Variants in CACNG7 observed in about 807,000 individuals in gnomAD.
The protein encoded by CACNG7 is calcium voltage-gated channel auxiliary subunit gamma 7.
In CACNG7, 9 loss-of-function variants were observed where a neutral mutation model predicts 26.3. That is an observed-to-expected ratio of 0.34 (90% CI 0.21 to 0.60). The LOEUF is 0.60. Ranked by LOEUF, CACNG7 falls within the 20% of genes least tolerant of loss-of-function variation. The pLI is 0.81. For synonymous variants in CACNG7, 170 were observed against 157.0 expected, an observed-to-expected ratio of 1.08 and a Z score of -0.62; for missense variants, 297 against 380.4, an observed-to-expected ratio of 0.78 and a Z score of 1.82.
At chr19:53,935,126 A>G (rs1338648211) in intron 4 of CACNG7, among the ~76,000 whole-genome samples, 2 of 152,116 alleles carry the variant, frequency 1.3e-5, no homozygotes, top group Non-Finnish European at 2.9e-5. Context: ...CAAAAAATAT[A>G]TATGTACACA....
chr19:53,933,492 G>A (rs930302170), intron 4 of CACNG7, among the ~76,000 whole-genome samples: 1 of 150,988 alleles, frequency 6.6e-6, no homozygotes, highest in Non-Finnish European at 1.5e-5. Context: ...TAGAGAGGGG[G>A]TTTCACCATG....
In CACNG7 at chr19:53,918,469, A is replaced by AT. The variant is rs956228122; in HGVS notation, c.424+2973dup. Among the ~76,000 whole-genome samples the AT allele has an allele frequency of 3.2e-3, 491 of 151,510 alleles. 2 individuals carry two copies. The highest frequency in any genetic ancestry group is 0.011 in the African/African-American group (467 of 41,312). On this transcript the variant is annotated intron_variant, in intron 4 of 5. Coordinates refer to ENST00000391767, the MANE Select transcript of CACNG7 (RefSeq NM_031896.5). Reference sequence around the variant, plus strand: ...TGCATGAAATATTCTTCTTCTTTTGATTTTTTTTTAAATCAAAAGAAGAAT... The same window carrying AT: ...TGCATGAAATATTCTTCTTCTTTTGATTTTTTTTTTAAATCAAAAGAAGAAT...
intron 4 of CACNG7, among the ~76,000 whole-genome samples, chr19:53,925,930 C>A (rs187740832): frequency 1.9e-4 from 29 of 152,292 alleles, no homozygotes; most frequent in Admixed American, 1.6e-3. Context: ...TGGGAGGAAG[C>A]TAGACGGGCA....
In CACNG7 at chr19:53,935,702, C is replaced by T. The variant is rs1462132692; in HGVS notation, c.425-5768C>T. On this transcript the variant is annotated intron_variant, in intron 4 of 5. Coordinates refer to ENST00000391767, the MANE Select transcript of CACNG7 (RefSeq NM_031896.5). ...GTACCCAGGCTGGAGTGCAATGGCGCGATCTCGGCTCACTGCAACCTTCTG... is the reference window on the plus strand; with the variant it reads ...GTACCCAGGCTGGAGTGCAATGGCGTGATCTCGGCTCACTGCAACCTTCTG... Among the ~76,000 whole-genome samples the T allele has an allele frequency of 7.6e-5, 9 of 118,488 alleles. No homozygotes were observed. In the South Asian group the frequency reaches 8.8e-4, roughly 12 times the overall value. 77.7% of individuals were successfully genotyped at this position (118,488 alleles called of 152,430 possible). A position where few individuals can be genotyped will look rare whatever the true frequency, so the allele number is the denominator to read the frequency against.
intron 4 of CACNG7, among the ~76,000 whole-genome samples, chr19:53,928,668 A>T (rs970109962): frequency 3.9e-5 from 6 of 152,160 alleles, no homozygotes; most frequent in Admixed American, 3.3e-4. Flanking sequence ...CAGGAACCAG[A>T]TCACAGACAG....
At position 53,922,915 on chromosome 19, in the gene CACNG7, T is replaced by C. The variant is rs555365059; in HGVS notation, c.424+7410T>C. 3.3e-3 allele frequency among the ~76,000 whole-genome samples: 258 copies of C among 79,318 alleles called. 2 individuals carry two copies. The highest frequency in any genetic ancestry group is 0.027 in the African/African-American group (211 of 7,726). The allele number at this position is 79,318 out of a possible 152,430, so 52.0% of individuals were successfully genotyped here. A position where few individuals can be genotyped will look rare whatever the true frequency, so the allele number is the denominator to read the frequency against. On this transcript the variant is annotated intron_variant, in intron 4 of 5. Coordinates refer to ENST00000391767, the MANE Select transcript of CACNG7 (RefSeq NM_031896.5). ...ATTGGTGGAGTTGCCCCAGGCCTGGTCATTGGTGGAGTTGTCCCAGGTCTG... is the reference window on the plus strand; with the variant it reads ...ATTGGTGGAGTTGCCCCAGGCCTGGCCATTGGTGGAGTTGTCCCAGGTCTG...
At chr19:53,915,014 AAAT>A (rs1482573057) in intron 3 of CACNG7, among the ~76,000 whole-genome samples, 1 of 147,704 alleles carries the variant, frequency 6.8e-6, no homozygotes, top group African/African-American at 2.5e-5. Context: ...TCAAAAAAAA[AAAT>A]AAATAAAAGG....
Position 53,940,081 on chromosome 19 carries a change from TTGA to T in CACNG7, c.425-1387_425-1385del, listed in dbSNP as rs2069128264. Among the ~76,000 whole-genome samples the T allele has an allele frequency of 6.6e-6, 1 of 151,904 alleles. No individual in the cohort carries two copies. Among genetic ancestry groups the T allele is most frequent in the South Asian group, 2.1e-4 (1 of 4,800 alleles). ...GAATGTAGGATTCTAGGGGAAGAGGTTGATAGGGATTAGTTAGATACATTTAAG... is the reference window on the plus strand; with the variant it reads ...GAATGTAGGATTCTAGGGGAAGAGGTTAGGGATTAGTTAGATACATTTAAG... On this transcript the variant is annotated intron_variant, in intron 4 of 5. Coordinates refer to ENST00000391767, the MANE Select transcript of CACNG7 (RefSeq NM_031896.5). This position sits in a 1 kb window ranked among gnomAD's most constrained non-coding sequence, Gnocchi z 4.1.
At chr19:53,941,945 G>A (rs1600005609) in intron 5 of CACNG7, 91 bp from the exon 6 acceptor site, 14 of 1,424,126 alleles carry the variant, frequency 9.8e-6, no homozygotes, top group Non-Finnish European at 1.3e-5. Context: ...CTTGGGGTGG[G>A]GACTCTGAGT....
intron 4 of CACNG7, among the ~76,000 whole-genome samples, chr19:53,930,634 A>T (rs1046281647): frequency 1.3e-4 from 19 of 151,942 alleles, no homozygotes; most frequent in Non-Finnish European, 2.8e-4. Context: ...AGGCCTCCCA[A>T]AGTGCTGGGA....
At chr19:53,923,556 T>A (rs368335137) in intron 4 of CACNG7, among the ~76,000 whole-genome samples, 41 of 106,396 alleles carry the variant, frequency 3.9e-4, no homozygotes, top group South Asian at 6.7e-4. Context: ...TTGTCCCAGG[T>A]CTGGTCATTG....
At chr19:53,915,539 A>G (rs2068891727) in intron 4 of CACNG7, 34 bp downstream of exon 4, 1 of 1,610,644 alleles carries the variant, frequency 6.2e-7, no homozygotes, top group African/African-American at 1.3e-5. Context: ...GGGGGGGACC[A>G]TTTCCAGTTC....
At chr19:53,926,135 G>A (rs532685453) in intron 4 of CACNG7, among the ~76,000 whole-genome samples, 1 of 152,190 alleles carries the variant, frequency 6.6e-6, no homozygotes, top group Admixed American at 6.5e-5. Flanking sequence ...AACAGCTCCC[G>A]ACTACCTGTC....
Position 53,912,528 on chromosome 19 carries a change from A to G in CACNG7, c.-29-275A>G, listed in dbSNP as rs2068867479. On this transcript the variant is annotated intron_variant, in intron 1 of 5. Coordinates refer to ENST00000391767, the MANE Select transcript of CACNG7 (RefSeq NM_031896.5). This position sits in a 1 kb window ranked among gnomAD's most constrained non-coding sequence, Gnocchi z 4.6. Reference sequence around the variant, plus strand: ...CTCTGGGCCTGGGCTGAAAGTTGTGATTAGAAATCTAATTCTGGGGTTGGG... The same window carrying G: ...CTCTGGGCCTGGGCTGAAAGTTGTGGTTAGAAATCTAATTCTGGGGTTGGG... Among the ~76,000 whole-genome samples the G allele has an allele frequency of 6.6e-6, 1 of 152,178 alleles. No individual in the cohort carries two copies. The highest frequency in any genetic ancestry group is 2.4e-5 in the African/African-American group (1 of 41,452).
rs1454828398 is a variant in CACNG7, at chr19:53,912,823, C to A, written c.-9C>A. 1 of 1,611,036 alleles carries A rather than the reference C, an allele frequency of 6.2e-7. No individual in the cohort carries two copies. Among genetic ancestry groups the A allele is most frequent in the Admixed American group, 1.7e-5 (1 of 60,018 alleles). Reference sequence around the variant, plus strand: ...CACAGGCCCCGCAGGGCGCCCCCTGCCTCTGAGGATGAGTCACTGCAGCAG... The same window carrying A: ...CACAGGCCCCGCAGGGCGCCCCCTGACTCTGAGGATGAGTCACTGCAGCAG... On this transcript the variant is annotated 5_prime_UTR_variant, in exon 2 of 6. Coordinates refer to ENST00000391767, the MANE Select transcript of CACNG7 (RefSeq NM_031896.5). This position sits in a 1 kb window ranked among gnomAD's most constrained non-coding sequence, Gnocchi z 4.6.
chr19:53,926,852 G>C (rs1213469120), intron 4 of CACNG7, among the ~76,000 whole-genome samples: 3 of 152,210 alleles, frequency 2.0e-5, no homozygotes, highest in African/African-American at 7.2e-5. Context: ...GGTGAAGGCT[G>C]CACTAAGCCA....
At chr19:53,932,688 G>A (rs1015694573) in intron 4 of CACNG7, among the ~76,000 whole-genome samples, 2 of 151,856 alleles carry the variant, frequency 1.3e-5, no homozygotes, top group Non-Finnish European at 2.9e-5. Flanking sequence ...ACCTAAAACG[G>A]TCCCTCTCCT....
intron 4 of CACNG7, among the ~76,000 whole-genome samples, chr19:53,925,645 G>A (rs1484245502): frequency 6.6e-6 from 1 of 152,224 alleles, no homozygotes; most frequent in East Asian, 1.9e-4. Context: ...GCATTCAATT[G>A]TGGAGAAACC....
chr19:53,916,442 G>A (rs2145899283), intron 4 of CACNG7, among the ~76,000 whole-genome samples: 1 of 150,698 alleles, frequency 6.6e-6, no homozygotes, highest in African/African-American at 2.5e-5. Context: ...TATTTCCAGA[G>A]GACTTCAGTG....
Sources: allele counts gnomAD v4.1 joint callset (sites outside exome capture counted in the v4.1 genomes callset), GRCh38; gene constraint gnomAD v4.1.1; non-coding constraint Gnocchi (gnomAD v3.1); transcripts MANE v1.5; gene names NCBI Gene and HGNC (gene_info 2026-07-23, HGNC 2026-07-21).